Variants in GPBP1L1 observed in about 807,000 individuals in gnomAD.
The protein encoded by GPBP1L1 is GC-rich promoter binding protein 1 like 1.
Under a neutral mutation model 52.5 loss-of-function variants are expected in GPBP1L1, and 23 were observed. That is an observed-to-expected ratio of 0.44 (90% CI 0.32 to 0.62). GPBP1L1 has a LOEUF of 0.62. Among genes scored for constraint, GPBP1L1 ranks in the 20% least tolerant of loss-of-function variants. GPBP1L1 has a pLI of 0.06. For synonymous variants in GPBP1L1, 243 were observed against 203.1 expected, an observed-to-expected ratio of 1.20 and a Z score of -1.67; for missense variants, 596 against 579.3, an observed-to-expected ratio of 1.03 and a Z score of -0.30.
intron 6 of GPBP1L1, among the ~76,000 whole-genome samples, chr1:45,650,421 C>T (rs1054303197): frequency 6.6e-6 from 1 of 152,294 alleles, no homozygotes; most frequent in African/African-American, 2.4e-5. Flanking sequence ...ATATCATGTA[C>T]TTCAAAAAAG....
Position 45,653,212 on chromosome 1 carries a change from T to C in GPBP1L1, c.477+1331A>G, listed in dbSNP as rs564269168. Reference sequence around the variant, plus strand: ...ACTCTACTAACTGATGAAATGGCTATAACAGAAGCGACTGATCGATGTGCT... The same window carrying C: ...ACTCTACTAACTGATGAAATGGCTACAACAGAAGCGACTGATCGATGTGCT... On this transcript the variant is annotated intron_variant, in intron 6 of 12. Coordinates refer to ENST00000355105, the MANE Select transcript of GPBP1L1 (RefSeq NM_021639.5). 2.1e-3 allele frequency among the ~76,000 whole-genome samples: 326 copies of C among 152,290 alleles called. 1 individual carries two copies. The highest frequency in any genetic ancestry group is 2.0e-3 in the Non-Finnish European group (137 of 68,020).
At chr1:45,678,728 G>A (rs1298938901) in intron 2 of GPBP1L1, among the ~76,000 whole-genome samples, 1 of 152,160 alleles carries the variant, frequency 6.6e-6, no homozygotes. Context: ...GTAAACATTT[G>A]CAACAAGGTC....
intron 6 of GPBP1L1, among the ~76,000 whole-genome samples, chr1:45,650,758 G>C (rs1004320610): frequency 1.3e-5 from 2 of 152,062 alleles, no homozygotes; most frequent in Non-Finnish European, 2.9e-5. Context: ...CACAGGTTCT[G>C]CTCTACACCT....
intron 2 of GPBP1L1, among the ~76,000 whole-genome samples, chr1:45,675,653 G>A (rs911106598): frequency 5.9e-5 from 9 of 152,106 alleles, no homozygotes; most frequent in Non-Finnish European, 8.8e-5. Flanking sequence ...GATCCTCCCA[G>A]CTCAGCTTCC....
At position 45,655,124 on chromosome 1, in the gene GPBP1L1, C is replaced by A. The variant is rs1452645735; in HGVS notation, c.190+66G>T. On this transcript the variant is annotated intron_variant, in intron 5 of 12. Transcript: ENST00000355105. The stretch of plus-strand genomic sequence containing the variant: ...CCTATTTCAAGATTACAGACATGTA[C>A]CCACAGCCTGGGCTTGTCCTAAATG... 3.8e-6 allele frequency: 6 copies of A among 1,588,300 alleles called. No individual in the cohort carries two copies. The Admixed American group carries it at 5.1e-5, about 13-fold the overall frequency.
At chr1:45,658,927 G>T in intron 4 of GPBP1L1, 101 bp downstream of exon 4, 1 of 806,670 alleles carries the variant, frequency 1.2e-6, no homozygotes. Flanking sequence ...GGGTGACAGA[G>T]GGAGACCCTG....
rs1644934910 is a variant in GPBP1L1 at position 45,660,415 on chromosome 1, A to AG, written c.-288dup. 3.6e-5 allele frequency: 35 copies of AG among 962,130 alleles called. No homozygotes were observed. The highest frequency in any genetic ancestry group is 6.2e-5 in the Admixed American group (1 of 16,136). 59.6% of individuals were successfully genotyped at this position (962,130 alleles called of 1,614,324 possible). A position where few individuals can be genotyped will look rare whatever the true frequency, so the allele number is the denominator to read the frequency against. On this transcript the variant is annotated 5_prime_UTR_variant, in exon 3 of 13. The change abolishes the stop of an existing upstream ORF in the 5' untranslated region. Coordinates refer to ENST00000355105, the MANE Select transcript of GPBP1L1 (RefSeq NM_021639.5). ...CAAAAGGGGAAAGGGGAAAAGGGGA[A>AG]GGGGGGAAGGGGAACATAAAAAGTA... is the stretch of plus-strand genomic sequence containing the variant.
chr1:45,632,708 C>G (rs1303899728), intron 10 of GPBP1L1, among the ~76,000 whole-genome samples: 1 of 152,188 alleles, frequency 6.6e-6, no homozygotes, highest in South Asian at 2.1e-4. Context: ...AAGAGCCAGA[C>G]TCTGTCTCAA....
chr1:45,645,761 G>GTT lies in GPBP1L1; in HGVS notation c.478-3264_478-3263dup, dbSNP rs200652331. On this transcript the variant is annotated intron_variant, in intron 6 of 12. Transcript: ENST00000355105. ...AAAGTCTTGGGAACGATATTCCGAA[G>GTT]TTTTTTGTTTTTTTTTTTTTTGAGG... The GTT allele has an allele frequency of 2.5e-3, 768 of 304,400 alleles. 24 individuals carry two copies. The highest frequency in any genetic ancestry group is 6.3e-3 in the South Asian group (235 of 37,368). 18.9% of individuals were successfully genotyped at this position (304,400 alleles called of 1,614,324 possible). A position where few individuals can be genotyped will look rare whatever the true frequency, so the allele number is the denominator to read the frequency against.
chr1:45,684,902 A>T (rs1464147083), intron 2 of GPBP1L1, among the ~76,000 whole-genome samples: 1 of 152,224 alleles, frequency 6.6e-6, no homozygotes, highest in African/African-American at 2.4e-5. Context: ...CCTAGGAAAG[A>T]TGAGTTTATT....
chr1:45,671,978 G>A (rs6691110), intron 2 of GPBP1L1, among the ~76,000 whole-genome samples: 11,307 of 152,160 alleles, frequency 0.074, 612 homozygotes, highest in Middle Eastern at 0.16. Context: ...CAAATCATGA[G>A]CACGGTCAAC....
chr1:45,654,917 T>C, intron 5 of GPBP1L1, 88 bp from the exon 6 acceptor site: 1 of 1,286,624 alleles, frequency 7.8e-7, no homozygotes, highest in South Asian at 1.5e-5. Flanking sequence ...GAGACCTCGT[T>C]AATAAAAAGT....
intron 2 of GPBP1L1, among the ~76,000 whole-genome samples, chr1:45,661,919 T>C (rs896879477): frequency 2.0e-5 from 3 of 152,180 alleles, no homozygotes; most frequent in Non-Finnish European, 4.4e-5. Flanking sequence ...CAAAGAACCA[T>C]ATAGCTTGCT....
At chr1:45,663,050 C>CCAAAAAAAAAAA (rs1644965273) in intron 2 of GPBP1L1, among the ~76,000 whole-genome samples, 1 of 117,236 alleles carries the variant, frequency 8.5e-6, no homozygotes, top group African/African-American at 3.2e-5. Context: ...GACTCTGTCT[C>CCAAAAAAAAAAA]AAAAAAAAAA....
At chr1:45,681,038 T>C (rs1370329804) in intron 2 of GPBP1L1, among the ~76,000 whole-genome samples, 2 of 150,326 alleles carry the variant, frequency 1.3e-5, no homozygotes, top group Non-Finnish European at 3.0e-5. Flanking sequence ...AGAATAAATA[T>C]ACAAGTAGGA....
At chr1:45,679,738 T>C (rs1645189448) in intron 2 of GPBP1L1, among the ~76,000 whole-genome samples, 1 of 152,048 alleles carries the variant, frequency 6.6e-6, no homozygotes, top group African/African-American at 2.4e-5. Context: ...TCTACTTCAT[T>C]GTTCCAAAAA....
intron 9 of GPBP1L1, 68 bp downstream of exon 9, chr1:45,634,028 C>T: frequency 4.1e-6 from 6 of 1,457,164 alleles, no homozygotes; most frequent in Non-Finnish European, 5.6e-6. Context: ...ATACATATTA[C>T]ACTTGTTATC....
At position 45,659,145 on chromosome 1, in the gene GPBP1L1, G is replaced by A. The variant is rs1006052775; in HGVS notation, c.-55-3C>T. On this transcript the variant is annotated splice_polypyrimidine_tract_variant and splice_region_variant and intron_variant, in intron 3 of 12. Transcript: ENST00000355105. ...GCATCCAACCTCATGGCCAGGATCTGAAAACAAAACAATTCAAATCACTTA... is the reference window on the plus strand; with the variant it reads ...GCATCCAACCTCATGGCCAGGATCTAAAAACAAAACAATTCAAATCACTTA... 9 of 1,552,564 alleles carry A rather than the reference G, an allele frequency of 5.8e-6. No homozygotes were observed. The South Asian group carries it at 9.0e-5, about 15-fold the overall frequency.
Position 45,628,185 on chromosome 1 carries a change from C to G in GPBP1L1, c.*71G>C, listed in dbSNP as rs767898317. 1.4e-6 allele frequency: 2 copies of G among 1,391,414 alleles called. No homozygotes were observed. Among genetic ancestry groups the G allele is most frequent in the African/African-American group, 2.9e-5 (2 of 69,916 alleles). The allele number at this position is 1,391,414 out of a possible 1,614,324, so 86.2% of individuals were successfully genotyped here. On this transcript the variant is annotated 3_prime_UTR_variant, in exon 13 of 13. Coordinates refer to ENST00000355105, the MANE Select transcript of GPBP1L1 (RefSeq NM_021639.5). Reference sequence around the variant, plus strand: ...CAACAACATAAGAAAAGGAAAAGAACGATTTCTTTTGTATACTCCCTAAAC... The same window carrying G: ...CAACAACATAAGAAAAGGAAAAGAAGGATTTCTTTTGTATACTCCCTAAAC...
Sources: gnomAD v4.1 joint callset for allele counts (sites outside exome capture counted in the v4.1 genomes callset) on GRCh38, gnomAD v4.1.1 for gene constraint, MANE v1.5 for transcripts, NCBI Gene and HGNC (gene_info 2026-07-23, HGNC 2026-07-21) for gene names.